The following VWF variants were observed in gnomAD, a reference collection of about 807,000 sequenced individuals.
The protein encoded by VWF is von Willebrand factor.
A neutral mutation model predicts 308.6 loss-of-function variants in VWF; 176 were observed. The ratio of observed to expected loss-of-function variants is 0.57; its 90% CI spans 0.50 to 0.65. The LOEUF is 0.65. Ranked by LOEUF, VWF falls within the 30% of genes least tolerant of loss-of-function variation. VWF has a pLI of 0.00. For synonymous variants in VWF, 1,385 were observed against 1,443.4 expected (o/e 0.96, Z 0.92); for missense variants, 3,146 against 3,648.2 (o/e 0.86, Z 3.55).
rs1354156035 is a variant in VWF at position 6,109,494 on chromosome 12, G to A, written c.532+880C>T. Among the ~76,000 whole-genome samples, 2 of 152,112 alleles carry A rather than the reference G, an allele frequency of 1.3e-5. 1 individual carries two copies. ...ATGGTACATTCCAATGAAAGGAAGA[G>A]TCAATTGTTTCTCTGCATGTTTACT... is the stretch of plus-strand genomic sequence containing the variant. On this transcript the variant is annotated intron_variant, in intron 5 of 51. Transcript: ENST00000261405.
At chr12:6,009,017 T>G (rs1002765971) in intron 34 of VWF, among the ~76,000 whole-genome samples, 1 of 152,246 alleles carries the variant, frequency 6.6e-6, no homozygotes, top group Non-Finnish European at 1.5e-5. Flanking sequence ...TTTGCAACAT[T>G]GGTCTTGGCG....
intron 47 of VWF, among the ~76,000 whole-genome samples, chr12:5,961,807 A>G (rs1943320420): frequency 1.3e-5 from 2 of 152,202 alleles, no homozygotes; most frequent in Non-Finnish European, 2.9e-5. Context: ...CATTGCAGAG[A>G]AAAATTAAAG....
chr12:6,025,053 C>T (rs1329493535), intron 24 of VWF, among the ~76,000 whole-genome samples: 3 of 150,568 alleles, frequency 2.0e-5, no homozygotes, highest in Non-Finnish European at 4.4e-5. Context: ...GAGACAACTG[C>T]ACTTAACCTT....
At chr12:6,017,658 T>G (rs1565831062) in intron 28 of VWF, among the ~76,000 whole-genome samples, 7 of 152,176 alleles carry the variant, frequency 4.6e-5, no homozygotes, top group Admixed American at 2.6e-4. Flanking sequence ...AGATACTATT[T>G]TAAGCAAGTA....
intron 4 of VWF, 122 bp from the exon 5 acceptor site, chr12:6,110,704 C>G: frequency 7.6e-7 from 1 of 1,318,852 alleles, no homozygotes; most frequent in Non-Finnish European, 1.1e-6. Flanking sequence ...GGCTGAGGAC[C>G]TAGATCAGCA....
At chr12:6,088,981 A>G (rs1319591731) in intron 6 of VWF, among the ~76,000 whole-genome samples, 1 of 152,194 alleles carries the variant, frequency 6.6e-6, no homozygotes, top group Non-Finnish European at 1.5e-5. Flanking sequence ...ATGCCCTAGA[A>G]AGACAGAAAG....
intron 42 of VWF, among the ~76,000 whole-genome samples, chr12:5,977,971 G>A (rs1943550832): frequency 6.7e-6 from 1 of 148,732 alleles, no homozygotes; most frequent in Non-Finnish European, 1.5e-5. Context: ...AGACTCCTGG[G>A]AATATGTCTT....
Position 6,058,346 on chromosome 12 carries a change from G to A in VWF, c.1534-302C>T, listed in dbSNP as rs531691556. On this transcript the variant is annotated intron_variant, in intron 13 of 51. Transcript: ENST00000261405. This position sits in a 1 kb window ranked among gnomAD's most constrained non-coding sequence, Gnocchi z 4.9. ...GAAGGGAGGCCCAAAGAGGCAAAGTGACTTGCCTAAGGTCAGGGAGGTAGT... is the reference window on the plus strand; with the variant it reads ...GAAGGGAGGCCCAAAGAGGCAAAGTAACTTGCCTAAGGTCAGGGAGGTAGT... Among the ~76,000 whole-genome samples, 5 of 152,312 alleles carry A rather than the reference G, an allele frequency of 3.3e-5. No individual in the cohort carries two copies. In the East Asian group the frequency reaches 9.7e-4, roughly 29 times the overall value.
At chr12:6,023,964 T>A (rs1191719835) in intron 24 of VWF, among the ~76,000 whole-genome samples, 177 bp from the exon 25 acceptor site, 1 of 152,220 alleles carries the variant, frequency 6.6e-6, no homozygotes, top group Non-Finnish European at 1.5e-5. Context: ...ATTCTTAGTT[T>A]CTAATCTGCA....
rs1163878217 is a variant in VWF, at chr12:6,019,927, C to A, written c.3675-184G>T. On this transcript the variant is annotated intron_variant, in intron 27 of 51. Coordinates refer to ENST00000261405, the MANE Select transcript of VWF (RefSeq NM_000552.5). This position sits in a 1 kb window ranked among gnomAD's most constrained non-coding sequence, Gnocchi z 5.8. ...TTGTTTAACATCTGTCCCCAAATAGCATGCCCCCCACCTTCAAAACACACA... is the reference window on the plus strand; with the variant it reads ...TTGTTTAACATCTGTCCCCAAATAGAATGCCCCCCACCTTCAAAACACACA... 6.6e-6 allele frequency among the ~76,000 whole-genome samples: 1 copy of A among 152,216 alleles called. No individual in the cohort carries two copies. Among genetic ancestry groups the A allele is most frequent in the Non-Finnish European group, 1.5e-5 (1 of 68,036 alleles).
At chr12:6,018,232 G>C in intron 28 of VWF, 133 bp downstream of exon 28, 1 of 1,116,076 alleles carries the variant, frequency 9.0e-7, no homozygotes, top group Middle Eastern at 3.0e-4. Context: ...TTGAAGGCAA[G>C]TTTCAACCAA....
intron 6 of VWF, among the ~76,000 whole-genome samples, chr12:6,087,891 C>T (rs1027462737): frequency 3.9e-5 from 6 of 152,040 alleles, no homozygotes; most frequent in South Asian, 2.1e-4. Flanking sequence ...CACCACTCTA[C>T]GGTAGGTAGA....
Position 6,114,351 on chromosome 12 carries a change from G to A in VWF, c.221-3383C>T, listed in dbSNP as rs149602013. 1.5e-3 allele frequency among the ~76,000 whole-genome samples: 232 copies of A among 152,286 alleles called. 1 individual carries two copies. The highest frequency in any genetic ancestry group is 5.3e-3 in the African/African-American group (221 of 41,564). On this transcript the variant is annotated intron_variant, in intron 3 of 51. Coordinates refer to ENST00000261405, the MANE Select transcript of VWF (RefSeq NM_000552.5). ...GCAAAATCACTTAAGCAAGGTACTC[G>A]TTCCACAGGAGGCAGAGCTGAGCGG... is the stretch of plus-strand genomic sequence containing the variant.
chr12:6,038,845 G>A (rs539508344), intron 18 of VWF, among the ~76,000 whole-genome samples: 1 of 152,366 alleles, frequency 6.6e-6, no homozygotes, highest in South Asian at 2.1e-4. Flanking sequence ...TCAATGAGAG[G>A]AAAGGGTTTC....
intron 38 of VWF, among the ~76,000 whole-genome samples, chr12:5,987,510 G>A (rs526881): frequency 0.82 from 124,116 of 151,900 alleles, 51,582 homozygotes; most frequent in East Asian, 0.92. Context: ...CTCATCAACA[G>A]ACACAGTGCC....
chr12:6,052,893 A>G, intron 15 of VWF, 110 bp from the exon 16 acceptor site: 1 of 1,428,596 alleles, frequency 7.0e-7, no homozygotes, highest in South Asian at 1.3e-5. Context: ...TTTAATTAAA[A>G]TTTTTATTGA....
intron 40 of VWF, among the ~76,000 whole-genome samples, 178 bp from the exon 41 acceptor site, chr12:5,983,432 T>TAGATAGATAGAA (rs1187193416): frequency 1.4e-4 from 22 of 152,000 alleles, no homozygotes; most frequent in Non-Finnish European, 2.9e-4. Context: ...GATAGATAGA[T>TAGATAGATAGAA]AGAATGATAA....
At chr12:6,107,409 A>G (rs1043961063) in intron 5 of VWF, among the ~76,000 whole-genome samples, 1 of 152,238 alleles carries the variant, frequency 6.6e-6, no homozygotes, top group Non-Finnish European at 1.5e-5. Flanking sequence ...CTGTCTGTAA[A>G]TTAACCTCAA....
chr12:5,991,934 C>T lies in VWF; in HGVS notation c.6683G>A (p.Gly2228Glu). The T allele has an allele frequency of 5.6e-6, 9 of 1,614,182 alleles. No individual in the cohort carries two copies. The highest frequency in any genetic ancestry group is 7.6e-6 in the Non-Finnish European group (9 of 1,180,024). Residue 2228 changes from glycine (G) to glutamate (E), a missense_variant, in exon 38 of 52, where the codon GGG (glycine) becomes GAG (glutamate). By Grantham distance (98) the Gly-to-Glu change is moderately conservative. Coordinates refer to ENST00000261405, the MANE Select transcript of VWF (RefSeq NM_000552.5). ...GAAACAGCCTTCGGAGGGATGGTCCCCACAGGAGCTCACGTTGCCATCACA... is the reference window on the plus strand; with the variant it reads ...GAAACAGCCTTCGGAGGGATGGTCCTCACAGGAGCTCACGTTGCCATCACA... Reference protein sequence around the residue: ...RHCDGNVSSCGDHPSEGCFCP... With the variant: ...RHCDGNVSSCEDHPSEGCFCP...
Sources: allele counts gnomAD v4.1 joint callset (sites outside exome capture counted in the v4.1 genomes callset), GRCh38; gene constraint gnomAD v4.1.1; non-coding constraint Gnocchi (gnomAD v3.1); transcripts MANE v1.5; gene names NCBI Gene and HGNC (gene_info 2026-07-23, HGNC 2026-07-21).